NCOR2: variants seen among roughly 807,000 people sequenced by gnomAD.
NCOR2 encodes nuclear receptor corepressor 2.
A neutral mutation model predicts 262.9 loss-of-function variants in NCOR2; 81 were observed. The observed-to-expected ratio is 0.31, with a 90% CI of 0.26 to 0.37. The LOEUF is 0.37. Among genes scored for constraint, NCOR2 ranks in the 10% least tolerant of loss-of-function variants. The pLI, the probability that NCOR2 is intolerant of heterozygous loss-of-function variation, is 1.00. For synonymous variants in NCOR2, 1,659 were observed against 1,559.3 expected, an observed-to-expected ratio of 1.06 and a Z score of -1.51; for missense variants, 3,385 against 3,621.4, an observed-to-expected ratio of 0.93 and a Z score of 1.68.
intron 6 of NCOR2, among the ~76,000 whole-genome samples, chr12:124,456,275 G>C (rs758276731): frequency 3.9e-5 from 6 of 152,228 alleles, no homozygotes; most frequent in Admixed American, 2.0e-4. Flanking sequence ...CATGTGGGTA[G>C]CATATACCTT....
At position 124,400,680 on chromosome 12, in the gene NCOR2, G is replaced by A; in HGVS notation, c.1641-7C>T. 6 of 1,613,002 alleles carry A rather than the reference G, an allele frequency of 3.7e-6. No individual in the cohort carries two copies. Among genetic ancestry groups the A allele is most frequent in the Non-Finnish European group, 5.1e-6 (6 of 1,179,128 alleles). ...GGTGTCGTCTGTCTTCTCCCTACAG[G>A]CCAGAGAGGGGAGATAGGATGGCTT... On this transcript the variant is annotated splice_polypyrimidine_tract_variant and splice_region_variant and intron_variant, in intron 14 of 46. Transcript: ENST00000405201.
In NCOR2 at chr12:124,549,864, C is replaced by T. The variant is rs377733679; in HGVS notation, c.-164-14253G>A. Among the ~76,000 whole-genome samples, 10 of 152,278 alleles carry T rather than the reference C, an allele frequency of 6.6e-5. No individual in the cohort carries two copies. Among genetic ancestry groups the T allele is most frequent in the East Asian group, 5.8e-4 (3 of 5,174 alleles). ...GCAGGGGTGGATGGGCAGAGTGTCACGCCTGCCTAGGGGAAGTACACGCTA... is the reference window on the plus strand; with the variant it reads ...GCAGGGGTGGATGGGCAGAGTGTCATGCCTGCCTAGGGGAAGTACACGCTA... On this transcript the variant is annotated intron_variant, in intron 1 of 32. Coordinates refer to the NCOR2 transcript ENST00000458234. The surrounding 1 kb of genome is among the most constrained non-coding windows in gnomAD (Gnocchi z 4.4).
At chr12:124,373,136 C>T (rs1252246718) in intron 19 of NCOR2, among the ~76,000 whole-genome samples, 2 of 152,274 alleles carry the variant, frequency 1.3e-5, no homozygotes, top group Non-Finnish European at 2.9e-5. Context: ...TGCCTGGTGA[C>T]TGCCTGCTGC....
intron 1 of NCOR2, among the ~76,000 whole-genome samples, chr12:124,540,942 G>A (rs867543324): frequency 3.5e-4 from 1 of 2,838 alleles, no homozygotes; most frequent in Non-Finnish European, 9.5e-4. Context: ...GATGGGGAGT[G>A]GAGATGGAGG....
At chr12:124,510,393 C>A (rs1371919415) in intron 1 of NCOR2, among the ~76,000 whole-genome samples, 1 of 152,228 alleles carries the variant, frequency 6.6e-6, no homozygotes, top group Non-Finnish European at 1.5e-5. Context: ...CGGGAGGGAA[C>A]ACCTCGCAGC....
upstream of NCOR2, chr12:124,567,598 CGCGGCGGCGGTGGCGGCGGCGGCGGCG>C (rs1483075632): frequency 2.2e-5 from 3 of 138,696 alleles, no homozygotes; most frequent in Non-Finnish European, 4.8e-5. Flanking sequence ...CCCCGGCGGC[CGCGGCGGCGGTGGCGGCGGCGGCGGCG>C]GCGGCGGCGG....
rs966111839 is a variant in NCOR2 at position 124,334,568 on chromosome 12, G to A, written c.6461C>T (p.Ala2154Val). The A allele has an allele frequency of 5.0e-6, 7 of 1,412,634 alleles. No homozygotes were observed. Among genetic ancestry groups the A allele is most frequent in the Non-Finnish European group, 5.5e-6 (6 of 1,090,538 alleles). 87.5% of individuals were successfully genotyped at this position (1,412,634 alleles called of 1,614,324 possible). The change falls in exon 41 of 47, where the codon GCA becomes GTA. Residue 2154 changes from alanine (A) to valine (V), a missense_variant. Physicochemically the swap from Ala to Val is moderately conservative, Grantham distance 64. This residue lies in a region of NCOR2 where 1,017 missense variants were observed against 967.2 expected (regional missense o/e 1.05). Transcript: ENST00000405201. ...GGAGTAGAGGGGGGCGGGCAGGGGTGCGCTGAGCTGCTGTGGGTGGTGCCG... is the reference window on the plus strand; with the variant it reads ...GGAGTAGAGGGGGGCGGGCAGGGGTACGCTGAGCTGCTGTGGGTGGTGCCG...
intron 1 of NCOR2, among the ~76,000 whole-genome samples, chr12:124,552,205 C>T (rs2051734317): frequency 6.6e-6 from 1 of 151,866 alleles, no homozygotes; most frequent in Non-Finnish European, 1.5e-5. Flanking sequence ...CCTGTAGTCC[C>T]AGCTACTCAG....
At chr12:124,339,742 A>ACC (rs2036265473) in intron 37 of NCOR2, among the ~76,000 whole-genome samples, 1 of 50,130 alleles carries the variant, frequency 2.0e-5, no homozygotes, top group Non-Finnish European at 4.1e-5. Context: ...CCACTGACCC[A>ACC]CCCACCCACC....
At chr12:124,553,503 C>T (rs1052553945) in intron 1 of NCOR2, among the ~76,000 whole-genome samples, 2 of 152,206 alleles carry the variant, frequency 1.3e-5, no homozygotes, top group Non-Finnish European at 1.5e-5. Flanking sequence ...CCAGGGTCCA[C>T]GTGCCTCAGT....
chr12:124,325,282 G>T, exon 47 of NCOR2: 1 of 574,314 alleles, frequency 1.7e-6, no homozygotes, highest in Non-Finnish European at 2.7e-6. Context: ...GGATGGAGGC[G>T]CAGGCGGACT....
chr12:124,483,794 A>C lies in NCOR2; in HGVS notation c.234-21T>G, dbSNP rs1410589966. The C allele has an allele frequency of 1.3e-6, 2 of 1,575,962 alleles. No individual in the cohort carries two copies. Among genetic ancestry groups the C allele is most frequent in the Non-Finnish European group, 1.7e-6 (2 of 1,161,154 alleles). Reference sequence around the variant, plus strand: ...GGGACCTGCAGGAGGTGAGGCATCCAACGTCACATAGGAGATTGCGGCTCT... The same window carrying C: ...GGGACCTGCAGGAGGTGAGGCATCCCACGTCACATAGGAGATTGCGGCTCT... On this transcript the variant is annotated intron_variant, in intron 2 of 46. Coordinates refer to ENST00000405201, the Ensembl canonical transcript of NCOR2. This position sits in a 1 kb window ranked among gnomAD's most constrained non-coding sequence, Gnocchi z 6.3.
chr12:124,473,072 G>A (rs1278725699), exon 4 of NCOR2: 7 of 1,613,990 alleles, frequency 4.3e-6, no homozygotes, highest in Non-Finnish European at 5.9e-6. Context: ...CCAGCTCAGG[G>A]TCAGTGTGCG....
intron 22 of NCOR2, among the ~76,000 whole-genome samples, chr12:124,359,792 C>G (rs541864453): frequency 6.6e-6 from 1 of 152,214 alleles, no homozygotes; most frequent in African/African-American, 2.4e-5. Flanking sequence ...CAGGGGGCCC[C>G]GAGGGACCTG....
intron 1 of NCOR2, among the ~76,000 whole-genome samples, chr12:124,512,152 T>C (rs1304671670): frequency 6.6e-6 from 1 of 152,182 alleles, no homozygotes; most frequent in African/African-American, 2.4e-5. Flanking sequence ...GCTCAAGTGA[T>C]GCGCCCACCT....
In NCOR2 at chr12:124,392,522, G is replaced by C. The variant is rs117256358; in HGVS notation, c.1876+5597C>G. ...TCACACAGCTCGAGTGTCGCCTCCT[G>C]CTGGGCCCTGACGGACAGCTGCACC... is the stretch of plus-strand genomic sequence containing the variant. On this transcript the variant is annotated intron_variant, in intron 16 of 46. Transcript: ENST00000405201. Among the ~76,000 whole-genome samples, 57 of 152,220 alleles carry C rather than the reference G, an allele frequency of 3.7e-4. 1 individual carries two copies. The East Asian group carries it at 8.3e-3, about 22-fold the overall frequency.
chr12:124,366,661 C>T (rs749496026), intron 20 of NCOR2, among the ~76,000 whole-genome samples: 15 of 152,168 alleles, frequency 9.9e-5, no homozygotes, highest in South Asian at 4.2e-4. Flanking sequence ...CACACATCAC[C>T]GTACCTGACT....
rs1436488763 is a variant in NCOR2, at chr12:124,531,386, G to A, written c.-118+4179C>T. Among the ~76,000 whole-genome samples, 1 of 152,126 alleles carries A rather than the reference G, an allele frequency of 6.6e-6. No homozygotes were observed. Among genetic ancestry groups the A allele is most frequent in the African/African-American group, 2.4e-5 (1 of 41,432 alleles). On this transcript the variant is annotated intron_variant, in intron 1 of 46. Coordinates refer to the NCOR2 transcript ENST00000404621. This position sits in a 1 kb window ranked among gnomAD's most constrained non-coding sequence, Gnocchi z 4.5. ...GGGGCATCCCCCGGGCCCGATTAGCGGGCGGCCGCAGGCAGACACGCTCAA... is the reference window on the plus strand; with the variant it reads ...GGGGCATCCCCCGGGCCCGATTAGCAGGCGGCCGCAGGCAGACACGCTCAA...
chr12:124,327,781 A>G lies in NCOR2; in HGVS notation c.6959-148T>C, dbSNP rs917095326. ...AAATACACAGTGAGCACATTTCGGC[A>G]AAGCAACATATTTATTTCCCTATCC... On this transcript the variant is annotated intron_variant, in intron 44 of 46. Transcript: ENST00000405201. The G allele has an allele frequency of 2.6e-5, 16 of 620,118 alleles. No individual in the cohort carries two copies. In the African/African-American group the frequency reaches 2.9e-4, roughly 11 times the overall value. 38.4% of individuals were successfully genotyped at this position (620,118 alleles called of 1,614,324 possible).
Sources: gnomAD v4.1 joint callset for allele counts (sites outside exome capture counted in the v4.1 genomes callset) on GRCh38, gnomAD v4.1.1 for gene constraint, gnomAD v4.1.1 regional missense constraint, Gnocchi (gnomAD v3.1) non-coding constraint, MANE v1.5 for transcripts, NCBI Gene and HGNC (gene_info 2026-07-23, HGNC 2026-07-21) for gene names.